VPS13B: variants seen among roughly 807,000 people sequenced by gnomAD.
VPS13B encodes the protein intermembrane lipid transfer protein VPS13B.
VPS13B carries 285 observed loss-of-function variants against 426.4 expected under a neutral mutation model. The ratio of observed to expected loss-of-function variants is 0.67; its 90% CI spans 0.61 to 0.74. The LOEUF (loss-of-function observed/expected upper bound fraction) is 0.74. VPS13B is among the 30% of genes least tolerant of loss of function. The pLI, the probability that VPS13B is intolerant of heterozygous loss-of-function variation, is 0.00. For missense variants in VPS13B, 4,537 were observed against 4,782.6 expected, an observed-to-expected ratio of 0.95 and a Z score of 1.51; for synonymous variants, 1,676 against 1,676.4, an observed-to-expected ratio of 1.00 and a Z score of 0.01.
At chr8:99,147,713 A>G (rs931664992) in intron 13 of VPS13B, 128 bp from the exon 14 acceptor site, 9 of 472,042 alleles carry the variant, frequency 1.9e-5, no homozygotes, top group Non-Finnish European at 2.9e-5. Flanking sequence ...ATTATTTTAT[A>G]CCTGCTTCAT....
chr8:99,331,476 T>C (rs533278146), intron 19 of VPS13B, among the ~76,000 whole-genome samples: 69 of 151,912 alleles, frequency 4.5e-4, no homozygotes, highest in Non-Finnish European at 1.3e-4. Context: ...AATAGACTTA[T>C]GTTCTCATTA....
At chr8:99,867,049 A>C (rs1162832757) in intron 58 of VPS13B, among the ~76,000 whole-genome samples, 1 of 152,192 alleles carries the variant, frequency 6.6e-6, no homozygotes, top group East Asian at 1.9e-4. Context: ...ATAAACTTAA[A>C]TGTCTCTGTC....
chr8:99,225,296 T>C (rs1419059676), intron 17 of VPS13B, among the ~76,000 whole-genome samples: 1 of 152,162 alleles, frequency 6.6e-6, no homozygotes, highest in Non-Finnish European at 1.5e-5. Context: ...TTTTTGTTTT[T>C]TGAGATGGAG....
At chr8:99,518,695 C>G (rs1822219201) in intron 29 of VPS13B, among the ~76,000 whole-genome samples, 1 of 152,084 alleles carries the variant, frequency 6.6e-6, no homozygotes, top group African/African-American at 2.4e-5. Context: ...TTCTGACGTT[C>G]TTTCCTTGGA....
At chr8:99,349,689 T>C (rs1263408595) in intron 19 of VPS13B, among the ~76,000 whole-genome samples, 4 of 152,208 alleles carry the variant, frequency 2.6e-5, no homozygotes, top group African/African-American at 9.6e-5. Flanking sequence ...TATATAATTA[T>C]AGATACATAC....
chr8:99,730,500 C>T (rs1833549239), intron 39 of VPS13B, among the ~76,000 whole-genome samples: 1 of 152,012 alleles, frequency 6.6e-6, no homozygotes, highest in Admixed American at 6.6e-5. Context: ...TTTAATCATT[C>T]TGTCTTCATA....
At position 99,383,502 on chromosome 8, in the gene VPS13B, TTA is replaced by T. The variant is rs1175653307; in HGVS notation, c.2825-704_2825-703del. Among the ~76,000 whole-genome samples the T allele has an allele frequency of 3.9e-5, 6 of 152,312 alleles. No individual in the cohort carries two copies. In the East Asian group the frequency reaches 1.2e-3, roughly 29 times the overall value. Reference sequence around the variant, plus strand: ...GAGATGTAATTCACTTTCTATACAATTATTTTATATTGTGTGATTCAATGTTT... The same window carrying T: ...GAGATGTAATTCACTTTCTATACAATTTTTATATTGTGTGATTCAATGTTT... On this transcript the variant is annotated intron_variant, in intron 19 of 61. Transcript: ENST00000357162.
At chr8:99,408,202 C>T (rs186082013) in intron 21 of VPS13B, among the ~76,000 whole-genome samples, 2 of 152,234 alleles carry the variant, frequency 1.3e-5, no homozygotes, top group East Asian at 3.9e-4. Context: ...CATGATATAA[C>T]CTTTTTTGGC....
intron 17 of VPS13B, among the ~76,000 whole-genome samples, chr8:99,270,131 C>CTTTTGTTTTTTTTTT (rs1818503432): frequency 3.3e-5 from 1 of 30,312 alleles, no homozygotes; most frequent in Non-Finnish European, 6.0e-5. Context: ...ATATAAGAAT[C>CTTTTGTTTTTTTTTT]TTTTTTTTTT....
intron 35 of VPS13B, among the ~76,000 whole-genome samples, chr8:99,663,544 T>TA (rs938676827): frequency 5.9e-5 from 9 of 152,090 alleles, no homozygotes; most frequent in Admixed American, 3.9e-4. Flanking sequence ...CTAGCAATTG[T>TA]AAAAAAACAT....
At chr8:99,301,493 T>C (rs891915848) in intron 19 of VPS13B, among the ~76,000 whole-genome samples, 2 of 152,110 alleles carry the variant, frequency 1.3e-5, no homozygotes, top group Non-Finnish European at 2.9e-5. Context: ...TTTCTCCATG[T>C]TGGTCAGGCT....
chr8:99,075,409 A>G (rs915488927), intron 3 of VPS13B, among the ~76,000 whole-genome samples: 17 of 151,886 alleles, frequency 1.1e-4, no homozygotes, highest in African/African-American at 2.9e-4. Flanking sequence ...ACTTTTAAAA[A>G]CTCAGATCTT....
chr8:99,328,620 TATTTGCAAGGAG>T (rs1810404048), intron 19 of VPS13B, among the ~76,000 whole-genome samples: 1 of 152,178 alleles, frequency 6.6e-6, no homozygotes, highest in Admixed American at 6.5e-5. Flanking sequence ...AAGTTTCAAG[TATTTGCAAGGAG>T]ATAGAAAAAT....
At chr8:99,060,558 G>T (rs1429038615) in intron 3 of VPS13B, among the ~76,000 whole-genome samples, 2 of 150,526 alleles carry the variant, frequency 1.3e-5, no homozygotes, top group South Asian at 4.2e-4. Flanking sequence ...GCAGTGAGCC[G>T]AGATCACACT....
intron 44 of VPS13B, among the ~76,000 whole-genome samples, chr8:99,814,137 T>C (rs186952125): frequency 2.0e-5 from 3 of 152,228 alleles, no homozygotes; most frequent in East Asian, 1.9e-4. Context: ...AAGACCCCCA[T>C]CTAAAAATAG....
chr8:99,145,458 T>C (rs1347619829), intron 13 of VPS13B, among the ~76,000 whole-genome samples: 1 of 152,082 alleles, frequency 6.6e-6, no homozygotes, highest in African/African-American at 2.4e-5. Flanking sequence ...TTCCCTACCA[T>C]GTTCCTTTCT....
rs140603106 is a variant in VPS13B, at chr8:99,570,450, G to A, written c.4950-5208G>A. Among the ~76,000 whole-genome samples the A allele has an allele frequency of 4.4e-3, 670 of 152,070 alleles. 2 individuals are homozygous for A. The highest frequency in any genetic ancestry group is 6.3e-3 in the Non-Finnish European group (429 of 67,954). On this transcript the variant is annotated intron_variant, in intron 31 of 61. Transcript: ENST00000357162. ...TTCTAGTCTTAAGATATATCTAAAT[G>A]CTATTTATCCCACCTATTATGTCTT...
chr8:99,235,696 C>A (rs1294435851), intron 17 of VPS13B, among the ~76,000 whole-genome samples: 2 of 152,056 alleles, frequency 1.3e-5, no homozygotes, highest in Admixed American at 1.3e-4. Context: ...TTAAGTGATG[C>A]GTTACATTAA....
chr8:99,126,059 G>A (rs1398837366), intron 8 of VPS13B, among the ~76,000 whole-genome samples: 1 of 152,208 alleles, frequency 6.6e-6, no homozygotes, highest in East Asian at 1.9e-4. Context: ...GAGTGGATAA[G>A]AGGGCTTGGC....
Sources: gnomAD v4.1 joint callset for allele counts (sites outside exome capture counted in the v4.1 genomes callset) on GRCh38, gnomAD v4.1.1 for gene constraint, MANE v1.5 for transcripts, NCBI Gene and HGNC (gene_info 2026-07-23, HGNC 2026-07-21) for gene names.